The following MYB variants were observed in gnomAD, a reference collection of about 807,000 sequenced individuals.
MYB encodes transcriptional activator Myb.
In MYB, 28 loss-of-function variants were observed where a neutral mutation model predicts 92.9. That is an observed-to-expected ratio of 0.30 (90% CI 0.22 to 0.41). The LOEUF is 0.41. MYB is among the 10% of genes least tolerant of loss of function. The pLI is 1.00. For missense variants in MYB, 679 were observed against 929.3 expected, an observed-to-expected ratio of 0.73 and a Z score of 3.50; for synonymous variants, 295 against 329.1, an observed-to-expected ratio of 0.90 and a Z score of 1.12.
At position 135,189,820 on chromosome 6, in the gene MYB, A is replaced by C; in HGVS notation, c.243A>C (p.Arg81=). 1 of 1,614,124 alleles carries C rather than the reference A, an allele frequency of 6.2e-7. No individual in the cohort carries two copies. Among genetic ancestry groups the C allele is most frequent in the Non-Finnish European group, 8.5e-7 (1 of 1,179,934 alleles). ...GAACAGATGTGCAGTGCCAGCACCG[A>C]TGGCAGAAAGTACTAAACCCTGAGC... is the stretch of plus-strand genomic sequence containing the variant. ...PNRTDVQCQH[R]WQKVLNPELI... The change falls in exon 4 of 16, where the codon CGA becomes CGC. Residue 81 remains arginine, a synonymous_variant. Coordinates refer to ENST00000341911, the MANE Select transcript of MYB (RefSeq NM_001130173.2).
At chr6:135,195,665 A>G in intron 8 of MYB, 83 bp from the exon 9 acceptor site, 1 of 1,480,502 alleles carries the variant, frequency 6.8e-7, no homozygotes, top group Non-Finnish European at 9.3e-7. Flanking sequence ...ACAGCATCTG[A>G]TACCTTGTGC....
At chr6:135,187,779 A>G in intron 2 of MYB, 55 bp from the exon 3 acceptor site, 1 of 1,244,390 alleles carries the variant, frequency 8.0e-7, no homozygotes, top group Non-Finnish European at 1.1e-6. Context: ...CTTTAACTTG[A>G]ACAGAGTTAT....
At chr6:135,183,070 G>A (rs1775350409) in intron 1 of MYB, among the ~76,000 whole-genome samples, 1 of 150,102 alleles carries the variant, frequency 6.7e-6, no homozygotes, top group East Asian at 2.0e-4. Flanking sequence ...GTCGGGCAGG[G>A]GTGCTGGGAG....
rs760471087 is a variant in MYB at position 135,182,726 on chromosome 6, T to C, written c.23+1190T>C. 1.3e-5 allele frequency among the ~76,000 whole-genome samples: 2 copies of C among 151,844 alleles called. No homozygotes were observed. The highest frequency in any genetic ancestry group is 2.9e-5 in the Non-Finnish European group (2 of 67,948). Reference sequence around the variant, plus strand: ...CCTTTCCTTAGATTGTTTGATTTTCTCCTACTGGTTTGTTGTTGAGCCTGC... The same window carrying C: ...CCTTTCCTTAGATTGTTTGATTTTCCCCTACTGGTTTGTTGTTGAGCCTGC... On this transcript the variant is annotated intron_variant, in intron 1 of 15. Transcript: ENST00000341911. This position sits in a 1 kb window ranked among gnomAD's most constrained non-coding sequence, Gnocchi z 5.6.
At chr6:135,184,647 T>C (rs1477107398) in intron 1 of MYB, among the ~76,000 whole-genome samples, 1 of 152,170 alleles carries the variant, frequency 6.6e-6, no homozygotes, top group African/African-American at 2.4e-5. Flanking sequence ...GCTTCACTTG[T>C]AGGGGGCTGG....
At chr6:135,214,236 C>T (rs1334602248) in intron 15 of MYB, among the ~76,000 whole-genome samples, 2 of 151,810 alleles carry the variant, frequency 1.3e-5, no homozygotes, top group Non-Finnish European at 2.9e-5. Flanking sequence ...GATCACGCCC[C>T]TGCACTCCAG....
intron 1 of MYB, 143 bp from the exon 2 acceptor site, chr6:135,185,756 GCAAA>G: frequency 9.9e-6 from 7 of 706,706 alleles, no homozygotes; most frequent in Non-Finnish European, 1.7e-5. Flanking sequence ...ACAGAATGCA[GCAAA>G]CAATCTTGTT....
Position 135,201,747 on chromosome 6 carries a change from C to A in MYB, c.2059C>A (p.Pro687Thr). The change falls in exon 14 of 16, where the codon CCG becomes ACG. Residue 687 changes from proline (P) to threonine (T), a missense_variant and splice_region_variant. By Grantham distance (38) the Pro-to-Thr change is conservative. Transcript: ENST00000341911. ...GCAGACCTCGCCTGTGGCAGATGCA[C>A]CGGTAAGTACGTGTGCACCAGCCCC... ...FTQTSPVADA[P>T]NILTSSVLMA... 6.8e-7 allele frequency: 1 copy of A among 1,474,590 alleles called. No individual in the cohort carries two copies. The highest frequency in any genetic ancestry group is 9.1e-7 in the Non-Finnish European group (1 of 1,099,194). The allele number at this position is 1,474,590 out of a possible 1,614,324, so 91.3% of individuals were successfully genotyped here. A position where few individuals can be genotyped will look rare whatever the true frequency, so the allele number is the denominator to read the frequency against.
At chr6:135,212,224 C>CTTTTTTTTTTTTTTTTTTT (rs545704827) in intron 15 of MYB, among the ~76,000 whole-genome samples, 7 of 32,886 alleles carry the variant, frequency 2.1e-4, no homozygotes, top group African/African-American at 4.6e-4. Context: ...TTTGGTTTTA[C>CTTTTTTTTTTTTTTTTTTT]TTTTTTTTTT....
At chr6:135,213,609 T>A (rs1413908838) in intron 15 of MYB, among the ~76,000 whole-genome samples, 1 of 152,204 alleles carries the variant, frequency 6.6e-6, no homozygotes, top group African/African-American at 2.4e-5. Flanking sequence ...AGGCCAGGTG[T>A]AGTGGCTCAT....
rs944839827 is a variant in MYB at position 135,182,751 on chromosome 6, C to A, written c.23+1215C>A. Among the ~76,000 whole-genome samples, 2 of 150,524 alleles carry A rather than the reference C, an allele frequency of 1.3e-5. No individual in the cohort carries two copies. The highest frequency in any genetic ancestry group is 3.0e-5 in the Non-Finnish European group (2 of 67,612). On this transcript the variant is annotated intron_variant, in intron 1 of 15. Coordinates refer to ENST00000341911, the MANE Select transcript of MYB (RefSeq NM_001130173.2). The surrounding 1 kb of genome is among the most constrained non-coding windows in gnomAD (Gnocchi z 5.6). ...TCCTACTGGTTTGTTGTTGAGCCTG[C>A]GGGCGCTGGTCCCCGCGCGGCGCTG...
rs975603296 is a variant in MYB at position 135,219,121 on chromosome 6, C to T, written c.*1141C>T. 8 of 220,934 alleles carry T rather than the reference C, an allele frequency of 3.6e-5. No individual in the cohort carries two copies. Among genetic ancestry groups the T allele is most frequent in the South Asian group, 1.8e-4 (1 of 5,416 alleles). The allele number at this position is 220,934 out of a possible 1,614,324, so 13.7% of individuals were successfully genotyped here. A position where few individuals can be genotyped will look rare whatever the true frequency, so the allele number is the denominator to read the frequency against. On this transcript the variant is annotated 3_prime_UTR_variant, in exon 16 of 16. Transcript: ENST00000341911. ...CCAGCACTGAACTTTTGAGATATGA[C>T]GGTGTACTTACTGCCTTGTAGCAAA... is the stretch of plus-strand genomic sequence containing the variant.
chr6:135,181,432 CGCAGGCAG>C lies in MYB; in HGVS notation c.-79_-72del. 1.0e-6 allele frequency: 1 copy of C among 990,624 alleles called. No homozygotes were observed. Among genetic ancestry groups the C allele is most frequent in the Non-Finnish European group, 1.2e-6 (1 of 800,710 alleles). The allele number at this position is 990,624 out of a possible 1,614,324, so 61.4% of individuals were successfully genotyped here. On this transcript the variant is annotated 5_prime_UTR_variant, in exon 1 of 16. Coordinates refer to ENST00000341911, the MANE Select transcript of MYB (RefSeq NM_001130173.2). The surrounding 1 kb of genome is among the most constrained non-coding windows in gnomAD (Gnocchi z 5.3). The stretch of plus-strand genomic sequence containing the variant: ...GCGCCGCTGCGCAGCCGGGGAGGGA[CGCAGGCAG>C]GCGGCGGGCAGCGGGAGGCGGCAGC...
At chr6:135,200,523 T>C (rs1474551594) in intron 13 of MYB, 108 bp downstream of exon 13, 4 of 1,505,822 alleles carry the variant, frequency 2.7e-6, no homozygotes, top group Non-Finnish European at 3.7e-6. Flanking sequence ...CCACGACTTT[T>C]CGTGCAAGAT....
chr6:135,193,794 G>A, intron 6 of MYB, 44 bp from the exon 7 acceptor site: 1 of 1,393,304 alleles, frequency 7.2e-7, no homozygotes, highest in Non-Finnish European at 1.0e-6. Flanking sequence ...TGAAGCATAT[G>A]TAGCCCTGAA....
rs768586778 is a variant in MYB at position 135,199,024 on chromosome 6, T to A, written c.1683T>A (p.Thr561=). The part of the protein sequence containing the change: ...TVTTPFHRDQ[T]VKTQKENTVF... ...CAACACCATTTCATAGAGACCAGAC[T>A]GTGAAAACTCAAAAGGAAAATACTG... Residue 561 remains threonine, a synonymous_variant, in exon 11 of 16, where the codon ACT becomes ACA. Coordinates refer to ENST00000341911, the MANE Select transcript of MYB (RefSeq NM_001130173.2). 7 of 1,606,492 alleles carry A rather than the reference T, an allele frequency of 4.4e-6. No individual in the cohort carries two copies. Among genetic ancestry groups the A allele is most frequent in the South Asian group, 1.1e-5 (1 of 89,274 alleles).
At position 135,193,909 on chromosome 6, in the gene MYB, A is replaced by C. The variant is rs777623946; in HGVS notation, c.834A>C (p.Ala278=). The C allele has an allele frequency of 6.2e-7, 1 of 1,606,588 alleles. No individual in the cohort carries two copies. The highest frequency in any genetic ancestry group is 1.3e-5 in the African/African-American group (1 of 74,884). ...TCAATGTCCCTCAGCCAGCTGCCGC[A>C]GCCATTCAGGTAAGATCATTGATCA... ...NIVNVPQPAA[A]AIQRHYNDED... is the part of the protein sequence containing the mutation. Residue 278 remains alanine (A), a synonymous_variant, in exon 7 of 16, where the codon GCA becomes GCC. Transcript: ENST00000341911.
In MYB at chr6:135,197,031, A is replaced by G; in HGVS notation, c.1274A>G (p.His425Arg). Reference protein sequence around the residue: ...FEEADFSPSQHHTGKALQLQQ... With the variant: ...FEEADFSPSQRHTGKALQLQQ... ...GAAGCAGATTTTTCACCTAGCCAACATCACACAGGCAAAGCCCTACAGCTT... is the reference window on the plus strand; with the variant it reads ...GAAGCAGATTTTTCACCTAGCCAACGTCACACAGGCAAAGCCCTACAGCTT... The change falls in exon 10 of 16, where the codon CAT (histidine) becomes CGT (arginine). Residue 425 changes from histidine to arginine, a missense_variant. His to Arg is a conservative substitution (Grantham distance 29). This residue lies in a region of MYB where 402 missense variants were observed against 434.2 expected (regional missense o/e 0.93). Transcript: ENST00000341911. The G allele has an allele frequency of 6.2e-7, 1 of 1,614,000 alleles. No individual in the cohort carries two copies. Among genetic ancestry groups the G allele is most frequent in the Non-Finnish European group, 8.5e-7 (1 of 1,179,884 alleles).
chr6:135,190,307 G>C lies in MYB; in HGVS notation c.487G>C (p.Gly163Arg). 6.2e-7 allele frequency: 1 copy of C among 1,614,178 alleles called. No homozygotes were observed. Among genetic ancestry groups the C allele is most frequent in the Non-Finnish European group, 8.5e-7 (1 of 1,180,014 alleles). The change falls in exon 5 of 16, where the codon GGG becomes CGG. Residue 163 changes from glycine (G) to arginine (R), a missense_variant. Gly to Arg is a moderately radical substitution (Grantham distance 125). This residue lies in a region of MYB where 37 missense variants were observed against 98.0 expected (regional missense o/e 0.38). Transcript: ENST00000341911. The surrounding 1 kb of genome is among the most constrained non-coding windows in gnomAD (Gnocchi z 4.5). ...RIIYQAHKRL[G>R]NRWAEIAKLL... The stretch of plus-strand genomic sequence containing the variant: ...TATTTACCAGGCACACAAGAGACTG[G>C]GGAACAGATGGGCAGAAATCGCAAA...
Sources: allele counts gnomAD v4.1 joint callset (sites outside exome capture counted in the v4.1 genomes callset), GRCh38; gene constraint gnomAD v4.1.1; regional missense constraint gnomAD v4.1.1; non-coding constraint Gnocchi (gnomAD v3.1); transcripts MANE v1.5; gene names NCBI Gene and HGNC (gene_info 2026-07-23, HGNC 2026-07-21).